DHX32: variants seen among roughly 807,000 people sequenced by gnomAD.
DHX32 encodes the protein putative pre-mRNA-splicing factor ATP-dependent RNA helicase DHX32.
Under a neutral mutation model 70.0 loss-of-function variants are expected in DHX32, and 51 were observed. The observed-to-expected ratio is 0.73, with a 90% CI of 0.58 to 0.92. DHX32 has a LOEUF of 0.92. Among genes scored for constraint, DHX32 ranks in the 40% least tolerant of loss-of-function variants. DHX32 has a pLI of 0.00. For missense variants in DHX32, 762 were observed against 891.8 expected, an observed-to-expected ratio of 0.85 and a Z score of 1.85; for synonymous variants, 310 against 315.3, an observed-to-expected ratio of 0.98 and a Z score of 0.18.
chr10:125,863,230 T>C (rs901777503), intron 2 of DHX32, among the ~76,000 whole-genome samples: 5 of 152,020 alleles, frequency 3.3e-5, no homozygotes, highest in African/African-American at 1.2e-4. Flanking sequence ...CTAAAGACTA[T>C]TTTAGGTATA....
intron 1 of DHX32, among the ~76,000 whole-genome samples, chr10:125,891,503 G>T (rs1289146244): frequency 1.1e-4 from 16 of 152,288 alleles, no homozygotes. Flanking sequence ...ACTTTGGAAG[G>T]CTGAGGCGGG....
In DHX32 at chr10:125,859,936, G is replaced by C; in HGVS notation, c.516C>G (p.Ser172=). 6.2e-7 allele frequency: 1 copy of C among 1,609,382 alleles called. No individual in the cohort carries two copies. The highest frequency in any genetic ancestry group is 8.5e-7 in the Non-Finnish European group (1 of 1,178,164). The change falls in exon 3 of 11, where the codon TCC becomes TCG. Residue 172 remains serine (S), a synonymous_variant. Transcript: ENST00000284690. ...CCCCATAGCTACCCAAAAAAGGATT[G>C]GACATCATTTCTCTTTGCAGCATAT... ...TDDMLQREMM[S]NPFLGSYGVI... is the part of the protein sequence containing the mutation.
intron 3 of DHX32, 130 bp from the exon 4 acceptor site, chr10:125,854,333 T>C: frequency 2.4e-6 from 2 of 844,108 alleles, no homozygotes; most frequent in Non-Finnish European, 1.7e-6. Context: ...CCTGTGTTGC[T>C]GCCTACATGT....
At chr10:125,889,923 C>T (rs1326482301) in intron 1 of DHX32, among the ~76,000 whole-genome samples, 7 of 152,422 alleles carry the variant, frequency 4.6e-5, no homozygotes, top group East Asian at 1.9e-4. Context: ...TTAATTTATA[C>T]GGCTTCTAGA....
chr10:125,858,450 A>G (rs1944162180), intron 3 of DHX32, among the ~76,000 whole-genome samples: 1 of 152,370 alleles, frequency 6.6e-6, no homozygotes, highest in South Asian at 2.1e-4. Context: ...TATCATATAC[A>G]TACAAAAAAT....
At chr10:125,853,845 G>C in intron 4 of DHX32, 116 bp downstream of exon 4, 4 of 1,323,852 alleles carry the variant, frequency 3.0e-6, no homozygotes, top group Non-Finnish European at 4.1e-6. Flanking sequence ...CAAATTCAAC[G>C]AATCCCCAGG....
At chr10:125,856,239 G>A (rs1456901232) in intron 3 of DHX32, among the ~76,000 whole-genome samples, 2 of 152,180 alleles carry the variant, frequency 1.3e-5, no homozygotes, top group East Asian at 1.9e-4. Flanking sequence ...ACTGAAGGAC[G>A]ATATCTAGCA....
At chr10:125,853,939 T>C (rs2134046950) in intron 4 of DHX32, 22 bp downstream of exon 4, 7 of 1,610,100 alleles carry the variant, frequency 4.3e-6, no homozygotes, top group Middle Eastern at 3.3e-4. Context: ...GCAGTCTGTT[T>C]AGCCTACTCA....
intron 1 of DHX32, among the ~76,000 whole-genome samples, chr10:125,868,707 T>G (rs184675592): frequency 2.6e-5 from 4 of 152,238 alleles, no homozygotes; most frequent in Non-Finnish European, 5.9e-5. Context: ...ACCTAAGGGA[T>G]TGGCTTGCCA....
At position 125,867,041 on chromosome 10, in the gene DHX32, A is replaced by G. The variant is rs1944224609; in HGVS notation, c.425T>C (p.Val142Ala). The change falls in exon 2 of 11, where the codon GTT becomes GCT. Residue 142 changes from valine to alanine, a missense_variant. This residue lies in a region of DHX32 where 394 missense variants were observed against 473.1 expected (regional missense o/e 0.83). Transcript: ENST00000284690. The part of the protein sequence containing the change: ...DEMDVNIGHE[V>A]GYVIPFENCC... ...GTTCTCGAAAGGGATCACGTAGCCA[A>G]CCTCATGACCAATGTTAACATCCAT... 1.2e-6 allele frequency: 2 copies of G among 1,614,218 alleles called. No individual in the cohort carries two copies. Among genetic ancestry groups the G allele is most frequent in the Middle Eastern group, 1.6e-4 (1 of 6,062 alleles).
At chr10:125,842,027 A>C in intron 6 of DHX32, 93 bp from the exon 7 acceptor site, 3 of 1,377,940 alleles carry the variant, frequency 2.2e-6, no homozygotes, top group Non-Finnish European at 2.8e-6. Flanking sequence ...GAAACAAGCA[A>C]ACAATGGACA....
Position 125,880,608 on chromosome 10 carries a change from C to A in DHX32, c.217G>T (p.Glu73Ter). The A allele has an allele frequency of 6.2e-7, 1 of 1,614,050 alleles. No individual in the cohort carries two copies. Among genetic ancestry groups the A allele is most frequent in the Non-Finnish European group, 8.5e-7 (1 of 1,179,964 alleles). Residue 73 changes from glutamate to a stop codon, truncating the protein, a stop_gained, in exon 1 of 11, where the codon GAG (glutamate) becomes TAG (stop). Coordinates refer to ENST00000284690, the MANE Select transcript of DHX32 (RefSeq NM_018180.3). LOFTEE classifies it high-confidence loss of function. Reference protein sequence around the residue: ...PIWKEKYSFMENLLQNQIVIV... With the variant: ...PIWKEKYSFM The stretch of plus-strand genomic sequence containing the variant: ...ACGATTTGATTTTGAAGCAGGTTCT[C>A]CATAAAGGAGTATTTTTCTTTCCAT...
intron 7 of DHX32, 27 bp downstream of exon 7, chr10:125,841,716 A>C: frequency 6.3e-7 from 1 of 1,591,950 alleles, no homozygotes; most frequent in East Asian, 2.2e-5. Flanking sequence ...TTTGCAAAAA[A>C]AGAAAAGGAA....
intron 1 of DHX32, among the ~76,000 whole-genome samples, chr10:125,888,633 G>A (rs1944352959): frequency 6.6e-6 from 1 of 152,300 alleles, no homozygotes; most frequent in East Asian, 1.9e-4. Flanking sequence ...TTATAATTTT[G>A]TTATTATATC....
upstream of DHX32, among the ~76,000 whole-genome samples, chr10:125,884,038 C>T (rs1237826823): frequency 6.6e-6 from 1 of 152,170 alleles, no homozygotes; most frequent in African/African-American, 2.4e-5. Flanking sequence ...AAGGATGCTA[C>T]CATTGAATCC....
At chr10:125,858,274 T>C (rs984483541) in intron 3 of DHX32, among the ~76,000 whole-genome samples, 1 of 152,212 alleles carries the variant, frequency 6.6e-6, no homozygotes, top group Non-Finnish European at 1.5e-5. Flanking sequence ...TCCTTAGGCT[T>C]CATCTGTTTA....
At chr10:125,876,387 C>A (rs192632035) in intron 1 of DHX32, among the ~76,000 whole-genome samples, 1 of 152,316 alleles carries the variant, frequency 6.6e-6, no homozygotes, top group Admixed American at 6.5e-5. Context: ...AAGATGAACC[C>A]ATTGGGTGGT....
Position 125,855,447 on chromosome 10 carries a change from TG to T in DHX32, c.850-1245del, listed in dbSNP as rs1459506014. Among the ~76,000 whole-genome samples the T allele has an allele frequency of 1.3e-3, 195 of 145,146 alleles. 1 individual carries two copies. The highest frequency in any genetic ancestry group is 5.0e-3 in the African/African-American group (192 of 38,116). On this transcript the variant is annotated intron_variant, in intron 3 of 10. Coordinates refer to ENST00000284690, the MANE Select transcript of DHX32 (RefSeq NM_018180.3). ...TGAGCAATTTCCTATCAAGATAAAC[TG>T]TTTTTTTTTTTTTTTTTTGAGATGG...
chr10:125,875,276 G>A (rs1944277726), intron 1 of DHX32, among the ~76,000 whole-genome samples: 1 of 151,870 alleles, frequency 6.6e-6, no homozygotes, highest in Non-Finnish European at 1.5e-5. Flanking sequence ...CCAGATCTTG[G>A]TTTCAAAACA....
Sources: allele counts gnomAD v4.1 joint callset (sites outside exome capture counted in the v4.1 genomes callset), GRCh38; gene constraint gnomAD v4.1.1; regional missense constraint gnomAD v4.1.1; transcripts MANE v1.5; gene names NCBI Gene and HGNC (gene_info 2026-07-23, HGNC 2026-07-21).